The following ANKS1B variants were observed in gnomAD, a reference collection of about 807,000 sequenced individuals.
The protein encoded by ANKS1B is ankyrin repeat and sterile alpha motif domain-containing protein 1B.
Under a neutral mutation model 148.3 loss-of-function variants are expected in ANKS1B, and 36 were observed. The observed-to-expected ratio is 0.24, with a 90% CI of 0.19 to 0.32. The LOEUF (loss-of-function observed/expected upper bound fraction) is 0.32, where lower values mean the gene tolerates loss of function less well. Among genes scored for constraint, ANKS1B ranks in the 10% least tolerant of loss-of-function variants. The pLI is 1.00. For synonymous variants in ANKS1B, 542 were observed against 560.8 expected (o/e 0.97, Z 0.47); for missense variants, 1,157 against 1,542.6 (o/e 0.75, Z 4.19).
At chr12:99,217,652 GT>G (rs983238412) in intron 14 of ANKS1B, among the ~76,000 whole-genome samples, 6 of 150,604 alleles carry the variant, frequency 4.0e-5, no homozygotes, top group East Asian at 1.9e-4. Flanking sequence ...ATCTCTTTCA[GT>G]TTTTTTTTGG....
rs900242907 is a variant in ANKS1B, at chr12:99,859,938, G to A, written c.135-34549C>T. On this transcript the variant is annotated intron_variant, in intron 1 of 26. Coordinates refer to ENST00000683438, the MANE Select transcript of ANKS1B (RefSeq NM_001352186.2). ...GCTGGGATTACAGGCATGGGCCACC[G>A]CGCCCGGCCGAAAGTATTTTTAAAA... Among the ~76,000 whole-genome samples the A allele has an allele frequency of 3.9e-5, 6 of 152,156 alleles. No individual in the cohort carries two copies. In the South Asian group the frequency reaches 1.0e-3, roughly 26 times the overall value.
At chr12:99,930,893 G>T (rs545189715) in intron 1 of ANKS1B, among the ~76,000 whole-genome samples, 8 of 152,150 alleles carry the variant, frequency 5.3e-5, no homozygotes, top group South Asian at 2.1e-4. Context: ...CACATGCGAA[G>T]GTATGTTTAT....
At chr12:99,918,535 G>T (rs1487965001) in intron 1 of ANKS1B, among the ~76,000 whole-genome samples, 1 of 152,158 alleles carries the variant, frequency 6.6e-6, no homozygotes, top group Non-Finnish European at 1.5e-5. Context: ...GTGGACCAGG[G>T]TCACACAGCT....
chr12:99,134,645 T>TCTCTCACA (rs1380319841), intron 15 of ANKS1B, among the ~76,000 whole-genome samples: 354 of 105,044 alleles, frequency 3.4e-3, no homozygotes, highest in Middle Eastern at 5.1e-3. Context: ...TCTCTCTCTC[T>TCTCTCACA]CACACACACA....
intron 17 of ANKS1B, among the ~76,000 whole-genome samples, chr12:99,050,690 CTTTTTTTTTT>C (rs62812561): frequency 1.8e-5 from 2 of 113,590 alleles, no homozygotes; most frequent in Admixed American, 1.0e-4. Flanking sequence ...TTTTCTTTTT[CTTTTTTTTTT>C]TTTTTTTTTG....
intron 12 of ANKS1B, among the ~76,000 whole-genome samples, chr12:99,369,791 T>TAGATGGAC (rs879173702): frequency 0.028 from 4,202 of 148,648 alleles, 101 homozygotes; most frequent in East Asian, 0.091. Flanking sequence ...GATAGATAGA[T>TAGATGGAC]GGACGGACGG....
intron 14 of ANKS1B, among the ~76,000 whole-genome samples, chr12:99,192,467 T>C (rs1156842744): frequency 6.6e-6 from 1 of 152,160 alleles, no homozygotes; most frequent in Admixed American, 6.5e-5. Context: ...CTATCTGAAA[T>C]ACATGTTCAG....
intron 8 of ANKS1B, among the ~76,000 whole-genome samples, chr12:99,718,295 C>T (rs1457584853): frequency 6.6e-6 from 1 of 152,146 alleles, no homozygotes; most frequent in Non-Finnish European, 1.5e-5. Flanking sequence ...GCTTCCCTGA[C>T]TATTCCTGGA....
chr12:99,979,313 G>C (rs1021251655), intron 1 of ANKS1B, among the ~76,000 whole-genome samples: 25 of 152,100 alleles, frequency 1.6e-4, no homozygotes, highest in African/African-American at 5.8e-4. Flanking sequence ...GTTTGAAAAA[G>C]AGAAAAGAGG....
chr12:99,745,291 T>C (rs1403119255), intron 8 of ANKS1B, among the ~76,000 whole-genome samples: 2 of 152,190 alleles, frequency 1.3e-5, no homozygotes, highest in East Asian at 1.9e-4. Flanking sequence ...GAAACATTGA[T>C]GTTGCAACAT....
At position 99,833,356 on chromosome 12, in the gene ANKS1B, TGA is replaced by T. The variant is rs148203898; in HGVS notation, c.135-7969_135-7968del. On this transcript the variant is annotated intron_variant, in intron 1 of 26. Coordinates refer to ENST00000683438, the MANE Select transcript of ANKS1B (RefSeq NM_001352186.2). The stretch of plus-strand genomic sequence containing the variant: ...TGTAACAGGTGGAAGGTAAACAGAG[TGA>T]GAGTCAGGTTAATTGTTTTACAGAC... 4.6e-5 allele frequency among the ~76,000 whole-genome samples: 7 copies of T among 151,958 alleles called. 1 individual carries two copies. The highest frequency in any genetic ancestry group is 5.9e-5 in the Non-Finnish European group (4 of 67,998).
chr12:99,364,610 T>C (rs150890884), intron 12 of ANKS1B, among the ~76,000 whole-genome samples: 166 of 152,350 alleles, frequency 1.1e-3, no homozygotes, highest in African/African-American at 3.9e-3. Context: ...CTGACTTCGG[T>C]GACTCTCTTG....
chr12:99,254,607 G>T (rs2075040318), intron 12 of ANKS1B, among the ~76,000 whole-genome samples: 1 of 152,174 alleles, frequency 6.6e-6, no homozygotes, highest in African/African-American at 2.4e-5. Context: ...AGAGAGTAAA[G>T]AACTGAGAAC....
At chr12:98,808,629 C>G (rs937691153) in intron 19 of ANKS1B, among the ~76,000 whole-genome samples, 1 of 152,096 alleles carries the variant, frequency 6.6e-6, no homozygotes, top group African/African-American at 2.4e-5. Context: ...TGGCTCTCCC[C>G]CACACCATTA....
intron 12 of ANKS1B, among the ~76,000 whole-genome samples, chr12:99,334,210 A>G (rs1243109210): frequency 6.6e-6 from 1 of 151,956 alleles, no homozygotes; most frequent in African/African-American, 2.4e-5. Context: ...ACATAGATAC[A>G]TAGATACATA....
At chr12:99,387,148 TG>T (rs72444080) in intron 12 of ANKS1B, among the ~76,000 whole-genome samples, 6,734 of 152,132 alleles carry the variant, frequency 0.044, 419 homozygotes, top group African/African-American at 0.13. Flanking sequence ...CAAGAATTGG[TG>T]GGAGTTAAAG....
At chr12:99,048,063 C>G (rs912695221) in intron 17 of ANKS1B, among the ~76,000 whole-genome samples, 1 of 152,130 alleles carries the variant, frequency 6.6e-6, no homozygotes, top group South Asian at 2.1e-4. Context: ...ATGAAGAATA[C>G]TTAGTAGTCC....
intron 9 of ANKS1B, among the ~76,000 whole-genome samples, chr12:99,623,315 A>T (rs1345243817): frequency 2.6e-5 from 4 of 152,064 alleles, no homozygotes; most frequent in Non-Finnish European, 2.9e-5. Context: ...AACAGGGAAA[A>T]AATTGAAGCA....
rs397851171 is a variant in ANKS1B, at chr12:99,693,781, C to CTTT, written c.1129-38574_1129-38572dup. On this transcript the variant is annotated intron_variant, in intron 8 of 26. Transcript: ENST00000683438. ...GGTCTTTCAACAAATATTTTTTGGA[C>CTTT]TTTTTTTTTTTTTTTTTGAGATGGA... Among the ~76,000 whole-genome samples, 15 of 132,742 alleles carry CTTT rather than the reference C, an allele frequency of 1.1e-4. 1 individual carries two copies. The highest frequency in any genetic ancestry group is 3.8e-4 in the Admixed American group (5 of 13,088). The allele number at this position is 132,742 out of a possible 152,430, so 87.1% of individuals were successfully genotyped here.
Sources: allele counts gnomAD v4.1 joint callset (sites outside exome capture counted in the v4.1 genomes callset), GRCh38; gene constraint gnomAD v4.1.1; transcripts MANE v1.5; gene names NCBI Gene and HGNC (gene_info 2026-07-23, HGNC 2026-07-21).